Variants in KCNB2 observed in about 807,000 individuals in gnomAD.
KCNB2 encodes the protein delayed rectifier potassium channel protein.
A neutral mutation model predicts 61.5 loss-of-function variants in KCNB2; 15 were observed. The ratio of observed to expected loss-of-function variants is 0.24; its 90% CI spans 0.16 to 0.38. The LOEUF (loss-of-function observed/expected upper bound fraction) is 0.38. Among genes scored for constraint, KCNB2 ranks in the 10% least tolerant of loss-of-function variants. The pLI, the probability that KCNB2 is intolerant of heterozygous loss-of-function variation, is 1.00. For synonymous variants in KCNB2, 457 were observed against 446.0 expected (o/e 1.02, Z -0.31); for missense variants, 828 against 1,125.2 (o/e 0.74, Z 3.78).
At chr8:72,582,748 G>T (rs915217132) in intron 2 of KCNB2, among the ~76,000 whole-genome samples, 2 of 152,000 alleles carry the variant, frequency 1.3e-5, no homozygotes, top group African/African-American at 4.8e-5. Flanking sequence ...GAGTAGCTGG[G>T]ACTATAGATG....
At chr8:72,851,835 A>AAAAAAAAAAAAAAAAC (rs1810118852) in intron 2 of KCNB2, among the ~76,000 whole-genome samples, 6 of 116,378 alleles carry the variant, frequency 5.2e-5, no homozygotes, top group South Asian at 2.7e-4. Context: ...GGAAAAAAAA[A>AAAAAAAAAAAAAAAAC]AAAAAAAAAA....
intron 2 of KCNB2, among the ~76,000 whole-genome samples, chr8:72,854,707 A>G (rs1810177163): frequency 6.6e-6 from 1 of 152,106 alleles, no homozygotes; most frequent in Admixed American, 6.6e-5. Context: ...CCAAAAAAGT[A>G]ATCGTTAAGC....
intron 1 of KCNB2, among the ~76,000 whole-genome samples, chr8:72,561,777 G>GTATATATATATAT: frequency 3.3e-5 from 1 of 29,994 alleles, no homozygotes; most frequent in African/African-American, 7.2e-5. Flanking sequence ...ATATATATAT[G>GTATATATATATAT]GATATATATA....
intron 2 of KCNB2, among the ~76,000 whole-genome samples, chr8:72,643,334 G>A (rs1265629114): frequency 6.6e-6 from 1 of 152,194 alleles, no homozygotes; most frequent in African/African-American, 2.4e-5. Flanking sequence ...TCCCTGGTAA[G>A]TAATTTAAGG....
intron 2 of KCNB2, among the ~76,000 whole-genome samples, chr8:72,700,271 G>C (rs1427806955): frequency 2.0e-5 from 3 of 152,048 alleles, no homozygotes; most frequent in Non-Finnish European, 4.4e-5. Flanking sequence ...CAGATGATGA[G>C]TTGATAGGTG....
At chr8:72,739,392 A>G (rs1047911060) in intron 2 of KCNB2, among the ~76,000 whole-genome samples, 1 of 152,122 alleles carries the variant, frequency 6.6e-6, no homozygotes, top group African/African-American at 2.4e-5. Context: ...TTAGACGAGT[A>G]GAGAAGTTTT....
At chr8:72,850,201 GTGTGTGTGTGTGTGTGTGTA>G (rs1424908790) in intron 2 of KCNB2, among the ~76,000 whole-genome samples, 51 of 30,554 alleles carry the variant, frequency 1.7e-3, no homozygotes, top group Admixed American at 3.7e-3. Context: ...GTGTGTGTGT[GTGTGTGTGTGTGTGTGTGTA>G]TGTGTGTGTG....
intron 2 of KCNB2, among the ~76,000 whole-genome samples, chr8:72,851,837 A>AAAAAAAAAAAAAAAC (rs1810119187): frequency 1.4e-5 from 2 of 145,198 alleles, no homozygotes; most frequent in African/African-American, 2.6e-5. Context: ...AAAAAAAAAA[A>AAAAAAAAAAAAAAAC]AAAAAAAAAA....
At chr8:72,785,532 A>G (rs1177272762) in intron 2 of KCNB2, among the ~76,000 whole-genome samples, 4 of 152,198 alleles carry the variant, frequency 2.6e-5, no homozygotes, top group Admixed American at 1.3e-4. Context: ...AGAAAGAAAA[A>G]TGACAGGGAT....
intron 2 of KCNB2, among the ~76,000 whole-genome samples, chr8:72,670,032 A>C (rs2246547): frequency 0.25 from 38,097 of 152,062 alleles, 8,194 homozygotes; most frequent in African/African-American, 0.59. Flanking sequence ...TTGACTACAG[A>C]TCACTGAGCC....
chr8:72,634,635 A>G (rs1449992477), intron 2 of KCNB2, among the ~76,000 whole-genome samples: 1 of 152,222 alleles, frequency 6.6e-6, no homozygotes, highest in Non-Finnish European at 1.5e-5. Flanking sequence ...GGATTTAAGT[A>G]TAACTTTAAG....
chr8:72,572,572 GTC>G (rs61567106), intron 2 of KCNB2, among the ~76,000 whole-genome samples: 69 of 149,630 alleles, frequency 4.6e-4, no homozygotes, highest in African/African-American at 1.4e-3. Context: ...CTCTCTCTGC[GTC>G]TCTCTCTCTC....
intron 2 of KCNB2, among the ~76,000 whole-genome samples, chr8:72,906,706 T>C (rs936839902): frequency 7.9e-5 from 12 of 152,226 alleles, no homozygotes; most frequent in Non-Finnish European, 1.6e-4. Flanking sequence ...GACTGCCTTG[T>C]CATTTGATTG....
intron 2 of KCNB2, among the ~76,000 whole-genome samples, chr8:72,766,272 G>A (rs955888508): frequency 2.0e-5 from 3 of 152,192 alleles, no homozygotes; most frequent in Non-Finnish European, 2.9e-5. Context: ...GACATATTGT[G>A]TAAAAGCTTC....
chr8:72,633,315 A>T (rs912997858), intron 2 of KCNB2, among the ~76,000 whole-genome samples: 1 of 151,998 alleles, frequency 6.6e-6, no homozygotes, highest in African/African-American at 2.4e-5. Flanking sequence ...CATGCTTCAG[A>T]TCTTCTCATG....
intron 2 of KCNB2, among the ~76,000 whole-genome samples, chr8:72,870,881 G>GT (rs1805604582): frequency 6.6e-6 from 1 of 152,236 alleles, no homozygotes; most frequent in Admixed American, 6.5e-5. Flanking sequence ...GGAGGCTGAG[G>GT]TGAGAGGATC....
chr8:72,863,036 A>G (rs1805446601), intron 2 of KCNB2, among the ~76,000 whole-genome samples: 1 of 152,212 alleles, frequency 6.6e-6, no homozygotes, highest in South Asian at 2.1e-4. Context: ...TTTTTGCCCT[A>G]TTCCAAGTAT....
At chr8:72,701,391 C>T (rs1009239422) in intron 2 of KCNB2, among the ~76,000 whole-genome samples, 1 of 152,150 alleles carries the variant, frequency 6.6e-6, no homozygotes, top group African/African-American at 2.4e-5. Flanking sequence ...GCAAGCACAT[C>T]TCATAGCAGT....
At chr8:72,656,067 A>G (rs1373328890) in intron 2 of KCNB2, among the ~76,000 whole-genome samples, 1 of 152,152 alleles carries the variant, frequency 6.6e-6, no homozygotes, top group Non-Finnish European at 1.5e-5. Context: ...GTGCATGCCA[A>G]AGCACAGAGG....
Sources: gnomAD v4.1 joint callset for allele counts (sites outside exome capture counted in the v4.1 genomes callset) on GRCh38, gnomAD v4.1.1 for gene constraint, MANE v1.5 for transcripts, NCBI Gene and HGNC (gene_info 2026-07-23, HGNC 2026-07-21) for gene names.